The following VDAC2 variants were observed in gnomAD, a reference collection of about 807,000 sequenced individuals.
VDAC2 encodes non-selective voltage-gated ion channel VDAC2.
In VDAC2, 6 loss-of-function variants were observed where a neutral mutation model predicts 36.6. The ratio of observed to expected loss-of-function variants is 0.16; its 90% CI spans 0.09 to 0.32. The LOEUF is 0.32. Ranked by LOEUF, VDAC2 falls within the 10% of genes least tolerant of loss-of-function variation. VDAC2 has a pLI of 1.00. For missense variants in VDAC2, 247 were observed against 346.0 expected (o/e 0.71, Z 2.27); for synonymous variants, 109 against 123.8 (o/e 0.88, Z 0.79).
intron 1 of VDAC2, 83 bp from the exon 2 acceptor site, chr10:75,211,051 C>T (rs1461606274): frequency 2.1e-5 from 28 of 1,315,858 alleles, no homozygotes; most frequent in South Asian, 3.0e-5. Flanking sequence ...CCGCGCTGCC[C>T]CGCGGCCCCT....
Position 75,211,638 on chromosome 10 carries a change from C to T in VDAC2, c.31+449C>T, listed in dbSNP as rs750059606. 17 of 1,550,378 alleles carry T rather than the reference C, an allele frequency of 1.1e-5. No individual in the cohort carries two copies. In the Middle Eastern group the frequency reaches 5.0e-4, roughly 45 times the overall value. ...TGCCCTTAAGCAGCACAGCATTGGC[C>T]GAGGACTTGAGAGTCACATTAGTAA... On this transcript the variant is annotated intron_variant, in intron 2 of 9. Transcript: ENST00000332211.
chr10:75,217,624 C>A (rs759469761), intron 4 of VDAC2, among the ~76,000 whole-genome samples: 1 of 152,128 alleles, frequency 6.6e-6, no homozygotes, highest in Admixed American at 6.6e-5. Flanking sequence ...GTGATCGGCC[C>A]GCCTTGGCCT....
chr10:75,211,106 C>T (rs1841402010), intron 1 of VDAC2, 28 bp from the exon 2 acceptor site: 4 of 1,590,114 alleles, frequency 2.5e-6, no homozygotes, highest in Non-Finnish European at 3.4e-6. Flanking sequence ...TTGACCCCAG[C>T]TTACCGCACT....
intron 3 of VDAC2, among the ~76,000 whole-genome samples, chr10:75,212,851 T>A (rs1841470496): frequency 6.6e-6 from 1 of 152,226 alleles, no homozygotes; most frequent in African/African-American, 2.4e-5. Flanking sequence ...GCTCGTGCTT[T>A]AATTTTTTTT....
Position 75,212,299 on chromosome 10 carries a change from G to T in VDAC2, c.100+1G>T. On this transcript the variant is annotated splice_donor_variant, in intron 3 of 9. Transcript: ENST00000332211. LOFTEE classifies it high-confidence loss of function. Reference sequence around the variant, plus strand: ...AGAGATATTTTCAACAAAGGATTTGGTAAGAACCTTATTTTTAAAACGTTT... The same window carrying T: ...AGAGATATTTTCAACAAAGGATTTGTTAAGAACCTTATTTTTAAAACGTTT... 6.2e-7 allele frequency: 1 copy of T among 1,611,324 alleles called. No homozygotes were observed. Among genetic ancestry groups the T allele is most frequent in the Non-Finnish European group, 8.5e-7 (1 of 1,178,748 alleles).
chr10:75,217,558 A>G (rs1445378714), intron 4 of VDAC2, among the ~76,000 whole-genome samples: 1 of 152,080 alleles, frequency 6.6e-6, no homozygotes, highest in African/African-American at 2.4e-5. Flanking sequence ...TTGTATGTTT[A>G]GTAGAGACGG....
chr10:75,211,053 G>A (rs1014082248), intron 1 of VDAC2, 81 bp from the exon 2 acceptor site: 1 of 1,331,572 alleles, frequency 7.5e-7, no homozygotes, highest in Non-Finnish European at 1.0e-6. Context: ...GCGCTGCCCC[G>A]CGGCCCCTCG....
At chr10:75,218,299 G>T (rs1841669607) in intron 4 of VDAC2, 1 of 153,744 alleles carries the variant, frequency 6.5e-6, no homozygotes, top group South Asian at 1.9e-4. Flanking sequence ...GGGACTACAG[G>T]CGCACACCAC....
intron 8 of VDAC2, among the ~76,000 whole-genome samples, chr10:75,227,382 G>C (rs945696289): frequency 1.3e-5 from 2 of 152,090 alleles, no homozygotes; most frequent in Admixed American, 1.3e-4. Context: ...TGTGTGATCC[G>C]ATGCTCTCTC....
chr10:75,217,442 A>G (rs920814032), intron 4 of VDAC2, among the ~76,000 whole-genome samples: 9 of 152,158 alleles, frequency 5.9e-5, no homozygotes, highest in African/African-American at 2.2e-4. Context: ...CAGTGGTGCC[A>G]TCTTGGCTCA....
chr10:75,222,145 C>A, intron 7 of VDAC2, 107 bp from the exon 8 acceptor site: 1 of 1,216,072 alleles, frequency 8.2e-7, no homozygotes, highest in Non-Finnish European at 1.1e-6. Flanking sequence ...ACTAAAGACC[C>A]ACTTGAGCTG....
At chr10:75,213,748 T>G (rs1413618629) in intron 3 of VDAC2, among the ~76,000 whole-genome samples, 1 of 151,178 alleles carries the variant, frequency 6.6e-6, no homozygotes, top group East Asian at 1.9e-4. Flanking sequence ...CGTCTCAAAA[T>G]AAATAAATAA....
chr10:75,211,522 C>T (rs1370763181), intron 2 of VDAC2: 38 of 1,546,892 alleles, frequency 2.5e-5, no homozygotes, highest in Non-Finnish European at 3.1e-5. Flanking sequence ...AGCAGTCCCT[C>T]TTGTGAGAGC....
chr10:75,222,040 A>G (rs1325291106), intron 7 of VDAC2, among the ~76,000 whole-genome samples: 1 of 152,228 alleles, frequency 6.6e-6, no homozygotes, highest in East Asian at 1.9e-4. Flanking sequence ...TGATAATTCC[A>G]CTGAATGGAT....
rs1250957985 is a variant in VDAC2 at position 75,222,133 on chromosome 10, A to G, written c.585-119A>G. 4 of 1,093,676 alleles carry G rather than the reference A, an allele frequency of 3.7e-6. No homozygotes were observed. In the Admixed American group the frequency reaches 1.2e-4, roughly 33 times the overall value. 67.7% of individuals were successfully genotyped at this position (1,093,676 alleles called of 1,614,324 possible). A position where few individuals can be genotyped will look rare whatever the true frequency, so the allele number is the denominator to read the frequency against. On this transcript the variant is annotated intron_variant, in intron 7 of 9. Coordinates refer to ENST00000332211, the MANE Select transcript of VDAC2 (RefSeq NM_001391963.1). ...TTAAAACTTGCAAGTTTTCAGTGGA[A>G]CACTAAAGACCCACTTGAGCTGTGG...
At chr10:75,213,613 A>G (rs1841500071) in intron 3 of VDAC2, among the ~76,000 whole-genome samples, 1 of 152,138 alleles carries the variant, frequency 6.6e-6, no homozygotes, top group African/African-American at 2.4e-5. Flanking sequence ...GCGTGGTGGC[A>G]CGCACCTGTA....
intron 8 of VDAC2, among the ~76,000 whole-genome samples, chr10:75,222,653 C>T (rs1841848156): frequency 6.6e-6 from 1 of 152,124 alleles, no homozygotes; most frequent in Non-Finnish European, 1.5e-5. Context: ...GAGCCATAGG[C>T]CTGTCTAAGT....
Position 75,212,298 on chromosome 10 carries a change from G to A in VDAC2, c.100G>A (p.Gly34Ser). 6.2e-7 allele frequency: 1 copy of A among 1,611,288 alleles called. No homozygotes were observed. Among genetic ancestry groups the A allele is most frequent in the Non-Finnish European group, 8.5e-7 (1 of 1,178,732 alleles). The change falls in exon 3 of 10, where the codon GGT (glycine) becomes AGT (serine). Residue 34 changes from glycine to serine, a missense_variant and splice_region_variant. By Grantham distance (56) the Gly-to-Ser change is moderately conservative (BLOSUM62 0). This residue lies in a region of VDAC2 where 76 missense variants were observed against 76.9 expected (regional missense o/e 0.99). Transcript: ENST00000332211. ...AARDIFNKGF[G>S]FGLVKLDVKT... ...CAGAGATATTTTCAACAAAGGATTT[G>A]GTAAGAACCTTATTTTTAAAACGTT... is the stretch of plus-strand genomic sequence containing the variant.
In VDAC2 at chr10:75,230,990, T is replaced by A; in HGVS notation, c.*1T>A. 5 of 1,609,938 alleles carry A rather than the reference T, an allele frequency of 3.1e-6. No homozygotes were observed. The highest frequency in any genetic ancestry group is 4.2e-6 in the Non-Finnish European group (5 of 1,178,358). On this transcript the variant is annotated 3_prime_UTR_variant, in exon 10 of 10. Coordinates refer to ENST00000332211, the MANE Select transcript of VDAC2 (RefSeq NM_001391963.1). ...GCTCGCCCTGGAGTTGGAGGCTTAA[T>A]CCAGCTGAAAGAAACCTTTGGGAAT...
Sources: allele counts gnomAD v4.1 joint callset (sites outside exome capture counted in the v4.1 genomes callset), GRCh38; gene constraint gnomAD v4.1.1; regional missense constraint gnomAD v4.1.1; transcripts MANE v1.5; gene names NCBI Gene and HGNC (gene_info 2026-07-23, HGNC 2026-07-21).